SPATA32: variants seen among roughly 807,000 people sequenced by gnomAD.
The protein encoded by SPATA32 is spermatogenesis-associated protein 32.
In SPATA32, 28 loss-of-function variants were observed where a neutral mutation model predicts 35.4. The ratio of observed to expected loss-of-function variants is 0.79; its 90% confidence interval spans 0.59 to 1.09. The LOEUF (loss-of-function observed/expected upper bound fraction) is 1.09. Among genes scored for constraint, SPATA32 ranks in the 50% least tolerant of loss-of-function variants. The pLI, the probability that SPATA32 is intolerant of heterozygous loss-of-function variation, is 0.00. For missense variants in SPATA32, 409 were observed against 475.9 expected, an observed-to-expected ratio of 0.86 and a Z score of 1.31; for synonymous variants, 168 against 196.3, an observed-to-expected ratio of 0.86 and a Z score of 1.20.
intron 1 of SPATA32, chr17:45,259,933 AT>A (rs2043990269): frequency 6.6e-6 from 1 of 151,818 alleles, no homozygotes; most frequent in Non-Finnish European, 1.5e-5. Context: ...TTTTTTCAGA[AT>A]TTTCACATGC....
Position 45,256,524 on chromosome 17 carries a change from T to C in SPATA32, c.69-109A>G, listed in dbSNP as rs534565211. The C allele has an allele frequency of 2.8e-5, 27 of 958,334 alleles. No individual in the cohort carries two copies. The East Asian group carries it at 4.1e-4, about 14-fold the overall frequency. The allele number at this position is 958,334 out of a possible 1,614,324, so 59.4% of individuals were successfully genotyped here. On this transcript the variant is annotated intron_variant, in intron 2 of 4. Transcript: ENST00000331780. This position sits in a 1 kb window ranked among gnomAD's most constrained non-coding sequence, Gnocchi z 4.7. ...TGCCTTGTAACAGAAGCTGGCACGA[T>C]GCACCTCCCGCCGACCACCCCGCCA...
intron 1 of SPATA32, among the ~76,000 whole-genome samples, chr17:45,258,733 C>G (rs376392365): frequency 6.6e-6 from 1 of 152,098 alleles, no homozygotes; most frequent in Admixed American, 6.6e-5. Flanking sequence ...CTCCTGAGAT[C>G]AAGCGATTCT....
At chr17:45,258,971 A>T (rs1176959162) in intron 1 of SPATA32, among the ~76,000 whole-genome samples, 1 of 152,160 alleles carries the variant, frequency 6.6e-6, no homozygotes, top group African/African-American at 2.4e-5. Context: ...TGTTGCTAGT[A>T]TACAGAAATA....
chr17:45,261,393 G>C (rs1049756165), intron 1 of SPATA32, among the ~76,000 whole-genome samples: 2 of 152,116 alleles, frequency 1.3e-5, no homozygotes, highest in African/African-American at 4.8e-5. Flanking sequence ...CCTAATTTTT[G>C]ACCGTTTTTA....
At chr17:45,261,884 G>T in intron 1 of SPATA32, 120 bp downstream of exon 1, 2 of 1,135,620 alleles carry the variant, frequency 1.8e-6, no homozygotes, top group Non-Finnish European at 2.2e-6. Context: ...CCGGGGGTTT[G>T]GGAGCAGGGG....
intron 1 of SPATA32, chr17:45,261,685 A>G (rs527657003): frequency 3.5e-4 from 126 of 365,180 alleles, no homozygotes; most frequent in African/African-American, 2.3e-3. Context: ...TTTCCTGTGC[A>G]CAAGGCCATT....
intron 1 of SPATA32, chr17:45,260,661 C>T (rs1052517325): frequency 1.3e-5 from 2 of 152,226 alleles, no homozygotes; most frequent in Non-Finnish European, 2.9e-5. Flanking sequence ...TGGCTGGCTC[C>T]AAACTCTGGG....
chr17:45,255,109 A>G lies in SPATA32; in HGVS notation c.1067+6T>C. ...CTATGGGAGCTGCGGGGCTGGCCTC[A>G]CTCACTCTTCCTTGCTTCCCTGCAG... On this transcript the variant is annotated splice_donor_region_variant and intron_variant, in intron 4 of 4. Transcript: ENST00000331780. This position sits in a 1 kb window ranked among gnomAD's most constrained non-coding sequence, Gnocchi z 5.4. The G allele has an allele frequency of 6.2e-7, 1 of 1,613,450 alleles. No individual in the cohort carries two copies. Among genetic ancestry groups the G allele is most frequent in the South Asian group, 1.1e-5 (1 of 91,042 alleles).
intron 1 of SPATA32, among the ~76,000 whole-genome samples, chr17:45,261,463 G>T (rs543373569): frequency 1.6e-4 from 24 of 152,276 alleles, no homozygotes; most frequent in African/African-American, 5.5e-4. Flanking sequence ...CATTTCAGTG[G>T]GGGATCTGAC....
At position 45,256,124 on chromosome 17, in the gene SPATA32, CCT is replaced by C. The variant is rs747344814; in HGVS notation, c.109-53_109-52del. ...GGAGGCAGGAGCGGGAGGTCCTGCC[CCT>C]GAGGCCCTCCCTGGCACCGAGTCCC... On this transcript the variant is annotated intron_variant, in intron 3 of 4. Coordinates refer to ENST00000331780, the MANE Select transcript of SPATA32 (RefSeq NM_152343.3). This position sits in a 1 kb window ranked among gnomAD's most constrained non-coding sequence, Gnocchi z 4.7. The C allele has an allele frequency of 1.3e-6, 2 of 1,545,112 alleles. No individual in the cohort carries two copies. Among genetic ancestry groups the C allele is most frequent in the East Asian group, 2.4e-5 (1 of 41,942 alleles).
chr17:45,256,117 T>G lies in SPATA32; in HGVS notation c.109-44A>C, dbSNP rs1598226302. On this transcript the variant is annotated intron_variant, in intron 3 of 4. Transcript: ENST00000331780. This position sits in a 1 kb window ranked among gnomAD's most constrained non-coding sequence, Gnocchi z 4.7. ...AAGCTGAGGAGGCAGGAGCGGGAGG[T>G]CCTGCCCCTGAGGCCCTCCCTGGCA... 6.4e-7 allele frequency: 1 copy of G among 1,558,580 alleles called. No homozygotes were observed. Among genetic ancestry groups the G allele is most frequent in the South Asian group, 1.1e-5 (1 of 87,158 alleles).
In SPATA32 at chr17:45,255,342, G is replaced by A; in HGVS notation, c.840C>T (p.Leu280=). The A allele has an allele frequency of 6.2e-7, 1 of 1,614,238 alleles. No individual in the cohort carries two copies. The highest frequency in any genetic ancestry group is 8.5e-7 in the Non-Finnish European group (1 of 1,180,036). ...QEALEPSTEP[L]LTTVEEREPE... Reference sequence around the variant, plus strand: ...GCTCTCGCTCCTCCACAGTGGTCAGGAGGGGCTCTGTGGAAGGCTCCAGAG... The same window carrying A: ...GCTCTCGCTCCTCCACAGTGGTCAGAAGGGGCTCTGTGGAAGGCTCCAGAG... The change falls in exon 4 of 5, where the codon CTC becomes CTT. Residue 280 remains leucine, a synonymous_variant. Transcript: ENST00000331780. This position sits in a 1 kb window ranked among gnomAD's most constrained non-coding sequence, Gnocchi z 5.4.
In SPATA32 at chr17:45,255,559, T is replaced by C. The variant is rs1253278783; in HGVS notation, c.623A>G (p.Gln208Arg). 6.2e-7 allele frequency: 1 copy of C among 1,614,102 alleles called. No individual in the cohort carries two copies. Among genetic ancestry groups the C allele is most frequent in the Middle Eastern group, 1.6e-4 (1 of 6,062 alleles). Residue 208 changes from glutamine (Q) to arginine (R), a missense_variant, in exon 4 of 5, where the codon CAG becomes CGG. Physicochemically the swap from Gln to Arg is conservative, Grantham distance 43. Coordinates refer to ENST00000331780, the MANE Select transcript of SPATA32 (RefSeq NM_152343.3). This position sits in a 1 kb window ranked among gnomAD's most constrained non-coding sequence, Gnocchi z 5.4. ...TNALCSEEQL[Q>R]IPDAHSAPPT... ...AGGAGCTGAGTGGGCATCAGGGATC[T>C]GGAGCTGCTCCTCGGAGCACAGGGC...
Position 45,256,231 on chromosome 17 carries a change from G to A in SPATA32, c.108+145C>T, listed in dbSNP as rs577428308. On this transcript the variant is annotated intron_variant, in intron 3 of 4. Transcript: ENST00000331780. This position sits in a 1 kb window ranked among gnomAD's most constrained non-coding sequence, Gnocchi z 4.7. ...CCTGCCTCCTCTCAGAGACCTGCCCGGTGAGGGGGTGTGTGTGTGGGTGTA... is the reference window on the plus strand; with the variant it reads ...CCTGCCTCCTCTCAGAGACCTGCCCAGTGAGGGGGTGTGTGTGTGGGTGTA... 6.6e-4 allele frequency: 753 copies of A among 1,136,934 alleles called. 1 individual carries two copies. Among genetic ancestry groups the A allele is most frequent in the Admixed American group, 2.3e-3 (122 of 54,062 alleles). The allele number at this position is 1,136,934 out of a possible 1,614,324, so 70.4% of individuals were successfully genotyped here.
At chr17:45,258,429 G>A (rs550890019) in intron 1 of SPATA32, among the ~76,000 whole-genome samples, 18 of 152,124 alleles carry the variant, frequency 1.2e-4, no homozygotes, top group African/African-American at 3.9e-4. Context: ...AATTTCCCTG[G>A]GCAGTTTAAT....
intron 1 of SPATA32, among the ~76,000 whole-genome samples, chr17:45,257,483 A>G (rs1204428395): frequency 6.6e-6 from 1 of 152,094 alleles, no homozygotes; most frequent in Non-Finnish European, 1.5e-5. Flanking sequence ...TACCCTGAAC[A>G]TGACAGAGCG....
intron 1 of SPATA32, among the ~76,000 whole-genome samples, chr17:45,258,933 G>A (rs908217153): frequency 6.6e-6 from 1 of 152,154 alleles, no homozygotes; most frequent in African/African-American, 2.4e-5. Flanking sequence ...ACCGTGCCTG[G>A]CCGAAATAAT....
In SPATA32 at chr17:45,255,561, G is replaced by A; in HGVS notation, c.621C>T (p.Leu207=). ...PTNALCSEEQ[L]QIPDAHSAPP... ...GAGCTGAGTGGGCATCAGGGATCTG[G>A]AGCTGCTCCTCGGAGCACAGGGCGT... is the stretch of plus-strand genomic sequence containing the variant. The change falls in exon 4 of 5, where the codon CTC becomes CTT. Residue 207 remains leucine (L), a synonymous_variant. Coordinates refer to ENST00000331780, the MANE Select transcript of SPATA32 (RefSeq NM_152343.3). The surrounding 1 kb of genome is among the most constrained non-coding windows in gnomAD (Gnocchi z 5.4). 6.2e-7 allele frequency: 1 copy of A among 1,614,124 alleles called. No individual in the cohort carries two copies.
intron 1 of SPATA32, among the ~76,000 whole-genome samples, chr17:45,258,720 C>T (rs534044284): frequency 9.3e-5 from 14 of 150,642 alleles, no homozygotes; most frequent in African/African-American, 3.2e-4. Context: ...CTGTAACCTC[C>T]GCCTCCTGAG....
Sources: gnomAD v4.1 joint callset for allele counts (sites outside exome capture counted in the v4.1 genomes callset) on GRCh38, gnomAD v4.1.1 for gene constraint, Gnocchi (gnomAD v3.1) non-coding constraint, MANE v1.5 for transcripts, NCBI Gene and HGNC (gene_info 2026-07-23, HGNC 2026-07-21) for gene names.